The following FBN1 variants were observed in gnomAD, a reference collection of about 807,000 sequenced individuals.
FBN1 encodes fibrillin-1.
A neutral mutation model predicts 365.1 loss-of-function variants in FBN1; 29 were observed. That is an observed-to-expected ratio of 0.08 (90% CI 0.06 to 0.11). The LOEUF (loss-of-function observed/expected upper bound fraction) is 0.11. FBN1 is among the 10% of genes least tolerant of loss of function. The pLI is 1.00. For missense variants in FBN1, 2,476 were observed against 3,703.2 expected (o/e 0.67, Z 8.60); for synonymous variants, 1,210 against 1,270.5 (o/e 0.95, Z 1.01).
intron 17 of FBN1, among the ~76,000 whole-genome samples, chr15:48,500,249 C>T (rs926112839): frequency 3.3e-5 from 5 of 151,162 alleles, no homozygotes; most frequent in Non-Finnish European, 7.4e-5. Flanking sequence ...AAAATCATAC[C>T]AGTTTTATAA....
At chr15:48,533,961 T>C in intron 8 of FBN1, 119 bp downstream of exon 8, 4 of 1,378,210 alleles carry the variant, frequency 2.9e-6, no homozygotes, top group Non-Finnish European at 4.1e-6. Flanking sequence ...TATTTACACA[T>C]TCACAGGGAT....
At chr15:48,603,824 G>A (rs965441278) in intron 4 of FBN1, among the ~76,000 whole-genome samples, 2 of 152,178 alleles carry the variant, frequency 1.3e-5, no homozygotes, top group Admixed American at 6.5e-5. Flanking sequence ...TGAACCCTGA[G>A]TGTCCTAGGG....
Position 48,618,354 on chromosome 15 carries a change from A to C in FBN1, c.165-5262T>G, listed in dbSNP as rs542442058. Reference sequence around the variant, plus strand: ...TGACAATTTTCTTATCAAGATAAAAAAAGAAAAAACATCATGAGTACTGTC... The same window carrying C: ...TGACAATTTTCTTATCAAGATAAAACAAGAAAAAACATCATGAGTACTGTC... On this transcript the variant is annotated intron_variant, in intron 2 of 65. Coordinates refer to ENST00000316623, the MANE Select transcript of FBN1 (RefSeq NM_000138.5). Among the ~76,000 whole-genome samples the C allele has an allele frequency of 1.8e-4, 27 of 152,346 alleles. No homozygotes were observed. The South Asian group carries it at 5.4e-3, about 30-fold the overall frequency.
intron 55 of FBN1, 39 bp from the exon 56 acceptor site, chr15:48,430,841 T>C (rs1004201566): frequency 1.2e-6 from 2 of 1,602,250 alleles, no homozygotes; most frequent in Non-Finnish European, 1.7e-6. Context: ...TCAAAGAAAA[T>C]GCATATATCT....
At chr15:48,528,499 T>C (rs2043936632) in intron 8 of FBN1, among the ~76,000 whole-genome samples, 1 of 152,164 alleles carries the variant, frequency 6.6e-6, no homozygotes. Context: ...GCCTCTTGCA[T>C]TACACTGAGG....
chr15:48,565,075 G>T (rs747464583), intron 6 of FBN1, among the ~76,000 whole-genome samples: 18 of 152,082 alleles, frequency 1.2e-4, no homozygotes, highest in Non-Finnish European at 2.4e-4. Context: ...TTCATTGGGG[G>T]ATATCATTTA....
At chr15:48,529,634 A>G (rs117046999) in intron 8 of FBN1, 6 of 152,346 alleles carry the variant, frequency 3.9e-5, no homozygotes, top group Admixed American at 3.3e-4. Flanking sequence ...CAATGAGAGA[A>G]AAAAACTAAA....
intron 6 of FBN1, among the ~76,000 whole-genome samples, chr15:48,584,998 GAGTC>G (rs2044424374): frequency 6.6e-6 from 1 of 152,202 alleles, no homozygotes; most frequent in South Asian, 2.1e-4. Context: ...TAACGTTCAC[GAGTC>G]TTAGTTTAAA....
intron 49 of FBN1, among the ~76,000 whole-genome samples, chr15:48,443,370 T>A (rs1439405678): frequency 2.6e-5 from 4 of 152,194 alleles, no homozygotes; most frequent in Admixed American, 1.3e-4. Context: ...GCCAACTTAT[T>A]AGGATAGGGC....
chr15:48,531,497 A>T (rs2043972825), intron 8 of FBN1, among the ~76,000 whole-genome samples: 1 of 152,194 alleles, frequency 6.6e-6, no homozygotes, highest in African/African-American at 2.4e-5. Context: ...AGCTACCTTT[A>T]AAAAGCCACT....
chr15:48,614,396 T>C (rs892183263), intron 2 of FBN1, among the ~76,000 whole-genome samples: 1 of 152,248 alleles, frequency 6.6e-6, no homozygotes, highest in Non-Finnish European at 1.5e-5. Flanking sequence ...TTTGTATATG[T>C]AGACCACGTG....
chr15:48,504,079 T>G, intron 16 of FBN1, 140 bp from the exon 17 acceptor site: 1 of 1,040,190 alleles, frequency 9.6e-7, no homozygotes, highest in Middle Eastern at 3.0e-4. Context: ...GGGGCTCCAT[T>G]TGAAGAAAAA....
At chr15:48,543,512 A>C (rs1366907376) in intron 6 of FBN1, among the ~76,000 whole-genome samples, 12 of 152,234 alleles carry the variant, frequency 7.9e-5, no homozygotes, top group Non-Finnish European at 1.3e-4. Flanking sequence ...AAAAAGTGTC[A>C]AGGCTTAATC....
chr15:48,509,495 A>G lies in FBN1; in HGVS notation c.1714+549T>C, dbSNP rs527433523. Among the ~76,000 whole-genome samples, 22 of 147,782 alleles carry G rather than the reference A, an allele frequency of 1.5e-4. No individual in the cohort carries two copies. In the South Asian group the frequency reaches 4.4e-3, roughly 30 times the overall value. On this transcript the variant is annotated intron_variant, in intron 14 of 65. Transcript: ENST00000316623. Reference sequence around the variant, plus strand: ...AATATATATTATTTATATTTTAGATATATATTATTTATATTTAAATATGTA... The same window carrying G: ...AATATATATTATTTATATTTTAGATGTATATTATTTATATTTAAATATGTA...
At chr15:48,425,307 G>A (rs2042970463) in intron 60 of FBN1, 62 bp downstream of exon 60, 6 of 1,612,346 alleles carry the variant, frequency 3.7e-6, no homozygotes, top group Non-Finnish European at 5.1e-6. Flanking sequence ...AGTTCTTACA[G>A]GCAAAGGAAT....
Position 48,515,526 on chromosome 15 carries a change from C to A in FBN1, c.1329G>T (p.Arg443Ser). The change falls in exon 12 of 66, where the codon AGG (arginine) becomes AGT (serine). Residue 443 changes from arginine to serine, a missense_variant and splice_region_variant. Arg to Ser is a moderately radical substitution (Grantham distance 110). Transcript: ENST00000316623. Reference protein sequence around the residue: ...EYLYPSREPPRVLPVNVTDYC... With the variant: ...EYLYPSREPPSVLPVNVTDYC... ...AATCAGTAACGTTTACTGGCAGCAC[C>A]CCTAGAAGAACATTAAGCCCCATTA... 1 of 1,613,888 alleles carries A rather than the reference C, an allele frequency of 6.2e-7. No homozygotes were observed. The highest frequency in any genetic ancestry group is 8.5e-7 in the Non-Finnish European group (1 of 1,179,852).
chr15:48,442,071 C>G (rs750587623), intron 49 of FBN1, among the ~76,000 whole-genome samples: 2 of 152,200 alleles, frequency 1.3e-5, no homozygotes, highest in Non-Finnish European at 2.9e-5. Flanking sequence ...GTGCAACTGC[C>G]TTCTAAGGGG....
chr15:48,588,800 C>T (rs547918989), intron 6 of FBN1, among the ~76,000 whole-genome samples: 1 of 152,216 alleles, frequency 6.6e-6, no homozygotes, highest in East Asian at 1.9e-4. Context: ...CTAGCCCTTC[C>T]TGGGAAACTG....
At chr15:48,434,518 T>A in intron 54 of FBN1, 76 bp downstream of exon 54, 1 of 1,572,176 alleles carries the variant, frequency 6.4e-7, no homozygotes, top group South Asian at 1.1e-5. Flanking sequence ...TTGTATTTAA[T>A]ATTAAGACTT....
Sources: gnomAD v4.1 joint callset for allele counts (sites outside exome capture counted in the v4.1 genomes callset) on GRCh38, gnomAD v4.1.1 for gene constraint, MANE v1.5 for transcripts, NCBI Gene and HGNC (gene_info 2026-07-23, HGNC 2026-07-21) for gene names.